The following TMEM108 variants were observed in gnomAD, a reference collection of about 807,000 sequenced individuals.
The protein encoded by TMEM108 is transmembrane protein 108, also known as cancer/testis antigen 124.
Under a neutral mutation model 35.1 loss-of-function variants are expected in TMEM108, and 12 were observed. That is an observed-to-expected ratio of 0.34 (90% CI 0.22 to 0.55). The LOEUF is 0.55. Ranked by LOEUF, TMEM108 falls within the 20% of genes least tolerant of loss-of-function variation. TMEM108 has a pLI of 0.89. For synonymous variants in TMEM108, 287 were observed against 308.6 expected (o/e 0.93, Z 0.73); for missense variants, 680 against 753.3 (o/e 0.90, Z 1.14).
chr3:133,081,882 A>T (rs958648937), intron 2 of TMEM108, among the ~76,000 whole-genome samples: 4 of 152,236 alleles, frequency 2.6e-5, no homozygotes, highest in Non-Finnish European at 4.4e-5. Context: ...CTGAGCAACA[A>T]GGAACTTTTG....
chr3:133,137,633 C>T (rs1191438479), intron 2 of TMEM108, among the ~76,000 whole-genome samples: 1 of 152,156 alleles, frequency 6.6e-6, no homozygotes, highest in East Asian at 1.9e-4. Flanking sequence ...CAGTTTCTGG[C>T]TATCCTTGTC....
chr3:133,274,105 A>G (rs1946808507), intron 3 of TMEM108, among the ~76,000 whole-genome samples: 1 of 152,180 alleles, frequency 6.6e-6, no homozygotes. Flanking sequence ...GCGAGTTTGT[A>G]TGAACACAGG....
intron 3 of TMEM108, among the ~76,000 whole-genome samples, chr3:133,336,656 G>A: frequency 6.6e-6 from 1 of 151,824 alleles, no homozygotes; most frequent in African/African-American, 2.4e-5. Context: ...TTCTGCTTGA[G>A]AAAAGTGGAG....
At chr3:133,069,019 T>C (rs557383187) in intron 2 of TMEM108, among the ~76,000 whole-genome samples, 2 of 152,166 alleles carry the variant, frequency 1.3e-5, no homozygotes, top group East Asian at 1.9e-4. Flanking sequence ...CATGTTTGGA[T>C]AGAACAAAGG....
At chr3:133,349,030 C>A (rs1355985689) in intron 3 of TMEM108, among the ~76,000 whole-genome samples, 1 of 151,240 alleles carries the variant, frequency 6.6e-6, no homozygotes, top group Non-Finnish European at 1.5e-5. Flanking sequence ...TTAAAAAATA[C>A]TCACAATAGA....
chr3:133,237,161 CT>C (rs144867731), intron 3 of TMEM108, among the ~76,000 whole-genome samples: 30,596 of 151,694 alleles, frequency 0.2, 3,630 homozygotes, highest in Middle Eastern at 0.32. Context: ...TTTCTTCTTC[CT>C]TTTTTTTGTC....
At chr3:133,269,018 T>G (rs1946736118) in intron 3 of TMEM108, among the ~76,000 whole-genome samples, 1 of 152,070 alleles carries the variant, frequency 6.6e-6, no homozygotes, top group Non-Finnish European at 1.5e-5. Context: ...ATCCAGTAGT[T>G]TTTTTTTAAC....
At chr3:133,363,900 A>T (rs1054191760) in intron 3 of TMEM108, among the ~76,000 whole-genome samples, 3 of 152,220 alleles carry the variant, frequency 2.0e-5, no homozygotes, top group Non-Finnish European at 4.4e-5. Context: ...TTTCATACTA[A>T]GTCTTTGAAA....
chr3:133,299,028 C>G (rs1947183187), intron 3 of TMEM108, among the ~76,000 whole-genome samples: 1 of 152,100 alleles, frequency 6.6e-6, no homozygotes. Flanking sequence ...GAAATCTGAA[C>G]TGTGGGGAGA....
chr3:133,243,150 A>G (rs1429092242), intron 3 of TMEM108, among the ~76,000 whole-genome samples: 1 of 152,144 alleles, frequency 6.6e-6, no homozygotes, highest in Non-Finnish European at 1.5e-5. Flanking sequence ...GTAATTGTTC[A>G]GATTCCAGTT....
intron 2 of TMEM108, among the ~76,000 whole-genome samples, chr3:133,216,516 G>A (rs977980116): frequency 3.3e-5 from 5 of 151,942 alleles, no homozygotes; most frequent in African/African-American, 1.2e-4. Context: ...ATTAACTATT[G>A]TCACCATGTT....
chr3:133,360,284 G>A (rs1190979779), intron 3 of TMEM108, among the ~76,000 whole-genome samples: 4 of 152,084 alleles, frequency 2.6e-5, no homozygotes, highest in Admixed American at 1.3e-4. Flanking sequence ...CTACACAAGC[G>A]TATACTTTTG....
chr3:133,074,485 G>A (rs576973688), intron 2 of TMEM108: 43 of 152,240 alleles, frequency 2.8e-4, no homozygotes, highest in African/African-American at 1.0e-3. Context: ...CTAACACAAA[G>A]CCTATTTTTT....
intron 2 of TMEM108, among the ~76,000 whole-genome samples, chr3:133,088,248 T>G (rs904308522): frequency 1.3e-5 from 2 of 151,970 alleles, no homozygotes; most frequent in African/African-American, 4.8e-5. Context: ...GGCTACAGAT[T>G]GACAGGAGGG....
At chr3:133,374,328 G>C (rs1426058621) in intron 3 of TMEM108, among the ~76,000 whole-genome samples, 1 of 152,050 alleles carries the variant, frequency 6.6e-6, no homozygotes, top group Non-Finnish European at 1.5e-5. Flanking sequence ...ATGATTCGCT[G>C]TTAAAAGGGT....
chr3:133,171,886 A>G (rs1044968680), intron 2 of TMEM108, among the ~76,000 whole-genome samples: 2 of 152,242 alleles, frequency 1.3e-5, no homozygotes, highest in African/African-American at 4.8e-5. Flanking sequence ...GAGAATCAAG[A>G]AGTACCAGTG....
chr3:133,311,183 A>G (rs998427340), intron 3 of TMEM108, among the ~76,000 whole-genome samples: 7 of 152,176 alleles, frequency 4.6e-5, no homozygotes, highest in Admixed American at 6.5e-5. Flanking sequence ...GAATCTGACA[A>G]TTATGTGTCT....
intron 2 of TMEM108, among the ~76,000 whole-genome samples, chr3:133,111,387 T>G (rs1944222106): frequency 6.6e-6 from 1 of 152,156 alleles, no homozygotes; most frequent in African/African-American, 2.4e-5. Flanking sequence ...TCTCTTTCTC[T>G]TGGGTTCCTT....
intron 3 of TMEM108, among the ~76,000 whole-genome samples, chr3:133,264,160 A>G (rs1946663336): frequency 6.6e-6 from 1 of 151,826 alleles, no homozygotes; most frequent in South Asian, 2.1e-4. Context: ...AACAACAAAA[A>G]TAGAAAACTT....
Sources: gnomAD v4.1 joint callset for allele counts (sites outside exome capture counted in the v4.1 genomes callset) on GRCh38, gnomAD v4.1.1 for gene constraint, MANE v1.5 for transcripts, NCBI Gene and HGNC (gene_info 2026-07-23, HGNC 2026-07-21) for gene names.